Variants in MINDY4 observed in about 807,000 individuals in gnomAD.
MINDY4 encodes probable ubiquitin carboxyl-terminal hydrolase MINDY-4.
A neutral mutation model predicts 87.0 loss-of-function variants in MINDY4; 68 were observed. The observed-to-expected ratio is 0.78, with a 90% confidence interval of 0.64 to 0.96. The LOEUF (loss-of-function observed/expected upper bound fraction) is 0.96, where lower values mean the gene tolerates loss of function less well. Among genes scored for constraint, MINDY4 ranks in the 40% least tolerant of loss-of-function variants. MINDY4 has a pLI of 0.00. For synonymous variants in MINDY4, 379 were observed against 363.2 expected (o/e 1.04, Z -0.50); for missense variants, 919 against 928.2 (o/e 0.99, Z 0.13).
At chr7:30,849,878 A>C (rs1431007687) in intron 9 of MINDY4, among the ~76,000 whole-genome samples, 2 of 152,136 alleles carry the variant, frequency 1.3e-5, no homozygotes, top group Non-Finnish European at 2.9e-5. Flanking sequence ...GCTTGATGGC[A>C]CCACCATGTG....
intron 5 of MINDY4, among the ~76,000 whole-genome samples, chr7:30,805,611 C>T (rs369855457): frequency 2.0e-5 from 3 of 152,086 alleles, no homozygotes; most frequent in African/African-American, 7.2e-5. Flanking sequence ...GTTGCATTTT[C>T]GGACCCTTAG....
chr7:30,851,228 G>C (rs1789404225), intron 10 of MINDY4, among the ~76,000 whole-genome samples: 1 of 152,178 alleles, frequency 6.6e-6, no homozygotes, highest in Non-Finnish European at 1.5e-5. Context: ...ATACTCTGGG[G>C]GCACGTTGGT....
chr7:30,850,544 C>T lies in MINDY4; in HGVS notation c.1536C>T (p.Ala512=), dbSNP rs74684656. 10,769 of 1,603,422 alleles carry T rather than the reference C, an allele frequency of 6.7e-3. 573 individuals are homozygous for T. The African/African-American group carries it at 0.12, about 19-fold the overall frequency. The change falls in exon 10 of 18, where the codon GCC becomes GCT. Residue 512 remains alanine, a synonymous_variant. Transcript: ENST00000265299. ...GGCGGGCAGGGGGCCGAGAGAGAGC[C>T]GTTGTTGCACTGTAAGTGGTTCCGA... The part of the protein sequence containing the change: ...IVWRAGGRER[A]VVALASRTQQ...
Position 30,836,704 on chromosome 7 carries a change from A to C in MINDY4, c.1179A>C (p.Pro393=). 1 of 1,614,230 alleles carries C rather than the reference A, an allele frequency of 6.2e-7. No homozygotes were observed. The highest frequency in any genetic ancestry group is 8.5e-7 in the Non-Finnish European group (1 of 1,180,040). ...ELIREEVILS[P]VPSVLKLQTA... ...TAAGGGAAGAGGTCATCCTGTCGCC[A>C]GTCCCATCAGTGCTCAAGTTGCAGA... Residue 393 remains proline (P), a synonymous_variant, in exon 7 of 18, where the codon CCA becomes CCC. Transcript: ENST00000265299.
chr7:30,833,060 A>G lies in MINDY4; in HGVS notation c.1133-3598A>G, dbSNP rs73301922. On this transcript the variant is annotated intron_variant, in intron 6 of 17. Coordinates refer to ENST00000265299, the MANE Select transcript of MINDY4 (RefSeq NM_032222.3). ...TCTCATTTGGTTTCTTACTTTCTCTACCCAGCACCATGTTTTTAAGTCCCA... is the reference window on the plus strand; with the variant it reads ...TCTCATTTGGTTTCTTACTTTCTCTGCCCAGCACCATGTTTTTAAGTCCCA... 7.2e-4 allele frequency among the ~76,000 whole-genome samples: 109 copies of G among 152,060 alleles called. 3 individuals carry two copies. The highest frequency in any genetic ancestry group is 2.6e-3 in the African/African-American group (107 of 41,470).
chr7:30,778,460 A>G lies in MINDY4; in HGVS notation c.92A>G (p.Asp31Gly). ...KGLKKTCVTM[D>G]QERPRSDLSI... ...TTAAAGAAGACATGTGTGACCATGG[A>G]CCAGGAACGCCCACGCTCTGACCTC... is the stretch of plus-strand genomic sequence containing the variant. The change falls in exon 2 of 18, where the codon GAC becomes GGC. Residue 31 changes from aspartate (D) to glycine (G), a missense_variant. Physicochemically the swap from Asp to Gly is moderately conservative, Grantham distance 94. Transcript: ENST00000265299. 1 of 1,614,224 alleles carries G rather than the reference A, an allele frequency of 6.2e-7. No homozygotes were observed. Among genetic ancestry groups the G allele is most frequent in the Middle Eastern group, 1.6e-4 (1 of 6,062 alleles).
chr7:30,856,543 G>A (rs956400825), intron 12 of MINDY4, among the ~76,000 whole-genome samples: 11 of 151,940 alleles, frequency 7.2e-5, no homozygotes, highest in African/African-American at 2.7e-4. Flanking sequence ...GGGTTTCTGT[G>A]TCTGTTACTT....
At chr7:30,831,856 A>G (rs1788712859) in intron 6 of MINDY4, among the ~76,000 whole-genome samples, 1 of 152,224 alleles carries the variant, frequency 6.6e-6, no homozygotes, top group African/African-American at 2.4e-5. Flanking sequence ...CAAAAAGCAC[A>G]TAAAATAGTA....
At chr7:30,854,321 G>A (rs892868218) in intron 12 of MINDY4, among the ~76,000 whole-genome samples, 11 of 152,240 alleles carry the variant, frequency 7.2e-5, no homozygotes, top group Admixed American at 5.9e-4. Context: ...CAGCTGGGCT[G>A]TGCTTGATGT....
intron 14 of MINDY4, among the ~76,000 whole-genome samples, chr7:30,872,696 G>A (rs760095688): frequency 1.1e-4 from 16 of 152,228 alleles, no homozygotes; most frequent in Non-Finnish European, 2.2e-4. Context: ...CCTCTTCTAT[G>A]TTTGCACAAG....
intron 5 of MINDY4, among the ~76,000 whole-genome samples, chr7:30,801,793 T>C (rs1418896271): frequency 6.6e-5 from 10 of 152,178 alleles, no homozygotes; most frequent in African/African-American, 2.4e-4. Flanking sequence ...AGATTTCCCT[T>C]GACTCAGATT....
intron 5 of MINDY4, among the ~76,000 whole-genome samples, chr7:30,806,272 C>T (rs923793435): frequency 5.3e-5 from 8 of 152,138 alleles, no homozygotes; most frequent in East Asian, 3.8e-4. Flanking sequence ...GAAAGGGCCC[C>T]GCTTTAGAAT....
At chr7:30,819,256 A>G (rs76969059) in intron 5 of MINDY4, among the ~76,000 whole-genome samples, 1,991 of 152,258 alleles carry the variant, frequency 0.013, 44 homozygotes, top group African/African-American at 0.046. Flanking sequence ...AATGTTAACC[A>G]TTTTGAAATA....
In MINDY4 at chr7:30,771,474, G is replaced by C. The variant is rs1375763728; in HGVS notation, c.-20G>C. 6.3e-7 allele frequency: 1 copy of C among 1,597,900 alleles called. No individual in the cohort carries two copies. The highest frequency in any genetic ancestry group is 1.8e-5 in the Admixed American group (1 of 57,028). On this transcript the variant is annotated 5_prime_UTR_variant, in exon 1 of 18. Coordinates refer to ENST00000265299, the MANE Select transcript of MINDY4 (RefSeq NM_032222.3). ...CTGCGGCCCGGCGTGGGCCTCGTGG[G>C]CAGAGCCAGAGCCAGAGCCATGGAC... is the stretch of plus-strand genomic sequence containing the variant.
intron 5 of MINDY4, among the ~76,000 whole-genome samples, chr7:30,825,904 A>G (rs1788484240): frequency 2.0e-5 from 3 of 152,230 alleles, no homozygotes; most frequent in Non-Finnish European, 2.9e-5. Flanking sequence ...CCACTGAGCT[A>G]AAGTCAAGGT....
intron 9 of MINDY4, among the ~76,000 whole-genome samples, chr7:30,845,189 C>T (rs970973901): frequency 2.6e-5 from 4 of 152,122 alleles, no homozygotes; most frequent in East Asian, 1.9e-4. Context: ...CTCCTAGGGA[C>T]CAAGGGGTGG....
intron 5 of MINDY4, among the ~76,000 whole-genome samples, chr7:30,828,318 TTGTGTGTGTGTGTG>T (rs60396175): frequency 2.7e-5 from 4 of 147,884 alleles, no homozygotes; most frequent in South Asian, 2.1e-4. Context: ...AGAACTCGAT[TTGTGTGTGTGTGTG>T]TGTGTGTGTG....
intron 5 of MINDY4, among the ~76,000 whole-genome samples, chr7:30,827,863 G>A (rs1490980719): frequency 6.6e-6 from 1 of 152,208 alleles, no homozygotes; most frequent in Admixed American, 6.5e-5. Context: ...CTGCAAGGAT[G>A]TTGAAGGAAA....
intron 5 of MINDY4, among the ~76,000 whole-genome samples, chr7:30,809,269 A>G (rs931505142): frequency 1.3e-5 from 2 of 151,910 alleles, no homozygotes; most frequent in South Asian, 2.1e-4. Flanking sequence ...GCCCAAATGC[A>G]TTCAATCTGT....
Sources: gnomAD v4.1 joint callset for allele counts (sites outside exome capture counted in the v4.1 genomes callset) on GRCh38, gnomAD v4.1.1 for gene constraint, MANE v1.5 for transcripts, NCBI Gene and HGNC (gene_info 2026-07-23, HGNC 2026-07-21) for gene names.